LYSMD2: variants seen among roughly 807,000 people sequenced by gnomAD.
LYSMD2 encodes lysM and putative peptidoglycan-binding domain-containing protein 2.
LYSMD2 carries 6 observed loss-of-function variants against 17.7 expected under a neutral mutation model. The ratio of observed to expected loss-of-function variants is 0.34; its 90% confidence interval spans 0.19 to 0.67. The LOEUF is 0.67. LYSMD2 is among the 30% of genes least tolerant of loss of function. The probability of loss-of-function intolerance (pLI) is 0.69; values close to 1 mark genes in which losing one functional copy is unlikely to be tolerated. For synonymous variants in LYSMD2, 102 were observed against 129.8 expected (o/e 0.79, Z 1.45); for missense variants, 237 against 286.7 (o/e 0.83, Z 1.25).
chr15:51,735,191 G>T (rs1296006418), intron 1 of LYSMD2, among the ~76,000 whole-genome samples: 1 of 151,674 alleles, frequency 6.6e-6, no homozygotes, highest in Non-Finnish European at 1.5e-5. Context: ...AAAAAAATCT[G>T]AAGATATTAA....
chr15:51,735,414 T>C (rs1453482443), intron 1 of LYSMD2, among the ~76,000 whole-genome samples: 1 of 152,182 alleles, frequency 6.6e-6, no homozygotes, highest in Non-Finnish European at 1.5e-5. Flanking sequence ...AGAGTGCTAC[T>C]GGCATCTAGT....
intron 1 of LYSMD2, among the ~76,000 whole-genome samples, chr15:51,725,854 G>C (rs1000374842): frequency 6.6e-6 from 1 of 152,156 alleles, no homozygotes; most frequent in Non-Finnish European, 1.5e-5. Context: ...ACACAAAAGA[G>C]ATGGTAGATT....
chr15:51,748,749 A>T (rs185385865), intron 1 of LYSMD2, among the ~76,000 whole-genome samples: 1 of 152,316 alleles, frequency 6.6e-6, no homozygotes, highest in Admixed American at 6.5e-5. Flanking sequence ...AGAGGATTCT[A>T]TTCCTCTTGT....
chr15:51,748,049 G>C (rs1295868302), intron 1 of LYSMD2, among the ~76,000 whole-genome samples: 1 of 151,902 alleles, frequency 6.6e-6, no homozygotes, highest in Non-Finnish European at 1.5e-5. Context: ...GAGGCAGGTG[G>C]ATCACAAGGT....
At chr15:51,736,966 A>C (rs2055613163) in intron 1 of LYSMD2, among the ~76,000 whole-genome samples, 1 of 152,232 alleles carries the variant, frequency 6.6e-6, no homozygotes, top group African/African-American at 2.4e-5. Context: ...GTAAATATAG[A>C]GTAGTGTGAT....
chr15:51,723,248 C>T lies in LYSMD2; in HGVS notation c.*359G>A, dbSNP rs1277648229. 5.4e-6 allele frequency: 1 copy of T among 185,382 alleles called. No homozygotes were observed. Among genetic ancestry groups the T allele is most frequent in the African/African-American group, 2.4e-5 (1 of 41,882 alleles). The allele number at this position is 185,382 out of a possible 1,614,324, so 11.5% of individuals were successfully genotyped here. A position where few individuals can be genotyped will look rare whatever the true frequency, so the allele number is the denominator to read the frequency against. ...ATCACTTAAACAGCAACCATATTTT[C>T]ACATAATCAGGATTGCATAAGGAGA... On this transcript the variant is annotated 3_prime_UTR_variant, in exon 3 of 3. Transcript: ENST00000267838.
Position 51,737,395 on chromosome 15 carries a change from G to T in LYSMD2, c.228C>A (p.Arg76=). ...VIERHVEHRV[R]AGDTLQGIAL... ...CGATGCCCTGCAGCGTGTCGCCCGC[G>T]CGGACCCGGTGCTCCACATGGCGCT... Residue 76 remains arginine (R), a synonymous_variant, in exon 1 of 3, where the codon CGC becomes CGA. Coordinates refer to ENST00000267838, the MANE Select transcript of LYSMD2 (RefSeq NM_153374.3). The surrounding 1 kb of genome is among the most constrained non-coding windows in gnomAD (Gnocchi z 4.2). 1 of 1,457,316 alleles carries T rather than the reference G, an allele frequency of 6.9e-7. No individual in the cohort carries two copies. 90.3% of individuals were successfully genotyped at this position (1,457,316 alleles called of 1,614,324 possible).
At chr15:51,735,809 A>AGATTGCACGG (rs1468069408) in intron 1 of LYSMD2, among the ~76,000 whole-genome samples, 1 of 152,236 alleles carries the variant, frequency 6.6e-6, no homozygotes, top group Non-Finnish European at 1.5e-5. Flanking sequence ...GGTCACAGAG[A>AGATTGCACGG]GATTGCACGG....
At chr15:51,747,931 T>C (rs1485495256) in intron 1 of LYSMD2, among the ~76,000 whole-genome samples, 1 of 152,224 alleles carries the variant, frequency 6.6e-6, no homozygotes, top group Non-Finnish European at 1.5e-5. Context: ...TTATCTCAGT[T>C]AGTCTTTCTA....
chr15:51,735,547 T>G (rs867000661), intron 1 of LYSMD2, among the ~76,000 whole-genome samples: 1 of 152,260 alleles, frequency 6.6e-6, no homozygotes, highest in African/African-American at 2.4e-5. Flanking sequence ...ATGAACTATG[T>G]GTCACTATCA....
intron 1 of LYSMD2, among the ~76,000 whole-genome samples, chr15:51,736,237 G>A (rs558098249): frequency 1.3e-5 from 2 of 152,254 alleles, no homozygotes; most frequent in Admixed American, 6.5e-5. Flanking sequence ...TCCCAACTTC[G>A]CTTTCCTCTG....
chr15:51,749,867 C>T (rs2055688527), intron 1 of LYSMD2, among the ~76,000 whole-genome samples: 1 of 152,228 alleles, frequency 6.6e-6, no homozygotes, highest in Non-Finnish European at 1.5e-5. Context: ...TTTGGTCACA[C>T]CCCCATTTCA....
At chr15:51,728,923 C>T (rs1383548261) in intron 1 of LYSMD2, among the ~76,000 whole-genome samples, 1 of 151,934 alleles carries the variant, frequency 6.6e-6, no homozygotes, top group Non-Finnish European at 1.5e-5. Context: ...TAGGGAAAAT[C>T]TCACATGGAT....
rs1317249135 is a variant in LYSMD2 at position 51,750,725 on chromosome 15, C to G, written c.-1+546G>C. ...GGTCTTTGTCCTATGTCACCCCACT[C>G]TGCTGTCATGCTTCAGAAACTTGAC... On this transcript the variant is annotated intron_variant, in intron 1 of 2. Transcript: ENST00000454181. 3.9e-5 allele frequency among the ~76,000 whole-genome samples: 6 copies of G among 152,334 alleles called. No homozygotes were observed. In the East Asian group the frequency reaches 1.2e-3, roughly 29 times the overall value.
chr15:51,746,647 G>A (rs889879153), intron 1 of LYSMD2, among the ~76,000 whole-genome samples: 3 of 152,044 alleles, frequency 2.0e-5, no homozygotes, highest in Non-Finnish European at 4.4e-5. Flanking sequence ...TAGAGAGAGA[G>A]AAAGAGAGAG....
At chr15:51,727,274 T>G (rs142787574) in intron 1 of LYSMD2, among the ~76,000 whole-genome samples, 2 of 152,296 alleles carry the variant, frequency 1.3e-5, no homozygotes, top group African/African-American at 4.8e-5. Context: ...CAGGTCCCCT[T>G]GTCCTTGGAA....
Position 51,737,632 on chromosome 15 carries a change from C to T in LYSMD2, c.-10G>A. 1 of 1,205,538 alleles carries T rather than the reference C, an allele frequency of 8.3e-7. No homozygotes were observed. Among genetic ancestry groups the T allele is most frequent in the Non-Finnish European group, 1.0e-6 (1 of 971,324 alleles). 74.7% of individuals were successfully genotyped at this position (1,205,538 alleles called of 1,614,324 possible). On this transcript the variant is annotated 5_prime_UTR_variant, in exon 1 of 3. Coordinates refer to ENST00000267838, the MANE Select transcript of LYSMD2 (RefSeq NM_153374.3). The surrounding 1 kb of genome is among the most constrained non-coding windows in gnomAD (Gnocchi z 4.2). Reference sequence around the variant, plus strand: ...GCGAGGAATCCGCCATGGGTCCTGCCGAGGCCGCCGGGTCGGGGAGCTTGC... The same window carrying T: ...GCGAGGAATCCGCCATGGGTCCTGCTGAGGCCGCCGGGTCGGGGAGCTTGC...
intron 1 of LYSMD2, among the ~76,000 whole-genome samples, chr15:51,728,576 A>G (rs1261792537): frequency 2.0e-5 from 3 of 151,898 alleles, no homozygotes; most frequent in Admixed American, 2.0e-4. Context: ...CTCCCATAAA[A>G]TATTGTTTCT....
chr15:51,727,972 T>G lies in LYSMD2; in HGVS notation c.274-2851A>C, dbSNP rs78968116. ...TTTGAGTCTTGAGTTTAATACAGCATAGTACTCAGAAGCATGGGTTCAGGG... is the reference window on the plus strand; with the variant it reads ...TTTGAGTCTTGAGTTTAATACAGCAGAGTACTCAGAAGCATGGGTTCAGGG... On this transcript the variant is annotated intron_variant, in intron 1 of 2. Transcript: ENST00000267838. Among the ~76,000 whole-genome samples, 755 of 152,288 alleles carry G rather than the reference T, an allele frequency of 5.0e-3. 27 individuals carry two copies. In the East Asian group the frequency reaches 0.082, roughly 17 times the overall value.
Sources: gnomAD v4.1 joint callset for allele counts (sites outside exome capture counted in the v4.1 genomes callset) on GRCh38, gnomAD v4.1.1 for gene constraint, Gnocchi (gnomAD v3.1) non-coding constraint, MANE v1.5 for transcripts, NCBI Gene and HGNC (gene_info 2026-07-23, HGNC 2026-07-21) for gene names.